GRM5: variants seen among roughly 807,000 people sequenced by gnomAD.
GRM5 encodes the protein glutamate metabotropic receptor 5.
Under a neutral mutation model 83.1 loss-of-function variants are expected in GRM5, and 19 were observed. That is an observed-to-expected ratio of 0.23 (90% CI 0.16 to 0.34). GRM5 has a LOEUF of 0.34. GRM5 is among the 10% of genes least tolerant of loss of function. GRM5 has a pLI of 1.00. For missense variants in GRM5, 1,160 were observed against 1,588.3 expected (o/e 0.73, Z 4.58); for synonymous variants, 675 against 633.6 (o/e 1.07, Z -0.98).
At chr11:88,639,221 G>C (rs555783122) in intron 4 of GRM5, among the ~76,000 whole-genome samples, 7 of 152,104 alleles carry the variant, frequency 4.6e-5, no homozygotes, top group Admixed American at 4.6e-4. Flanking sequence ...CGGGTCATGC[G>C]TGTTTGATGA....
chr11:88,968,748 A>C (rs1379151821), intron 2 of GRM5, among the ~76,000 whole-genome samples: 1 of 152,130 alleles, frequency 6.6e-6, no homozygotes, highest in African/African-American at 2.4e-5. Context: ...ATTAGACAGT[A>C]TAAGTAATTT....
chr11:88,532,563 T>G (rs1942038086), intron 8 of GRM5, among the ~76,000 whole-genome samples: 1 of 152,114 alleles, frequency 6.6e-6, no homozygotes, highest in Non-Finnish European at 1.5e-5. Flanking sequence ...ACCATGTGAA[T>G]AAACCCTAAA....
intron 4 of GRM5, among the ~76,000 whole-genome samples, chr11:88,630,843 G>T (rs1388974996): frequency 6.6e-6 from 1 of 152,110 alleles, no homozygotes; most frequent in East Asian, 1.9e-4. Flanking sequence ...CTCCCAAAGT[G>T]CTGGGATTAC....
At chr11:88,705,775 C>T (rs532679543) in intron 3 of GRM5, among the ~76,000 whole-genome samples, 1 of 151,998 alleles carries the variant, frequency 6.6e-6, no homozygotes, top group South Asian at 2.1e-4. Context: ...GTTTCTCTCC[C>T]CTTCAATAAT....
At chr11:88,814,607 C>T (rs1362313801) in intron 3 of GRM5, among the ~76,000 whole-genome samples, 1 of 152,078 alleles carries the variant, frequency 6.6e-6, no homozygotes, top group African/African-American at 2.4e-5. Context: ...TCCTACCTAA[C>T]AAATTATAAA....
chr11:89,039,269 T>TAA (rs202190539), intron 2 of GRM5, among the ~76,000 whole-genome samples: 1,537 of 145,202 alleles, frequency 0.011, 17 homozygotes, highest in East Asian at 0.056. Context: ...CGTTTCAAAA[T>TAA]AAAAAAAAAA....
chr11:88,536,855 A>G (rs1942146530), intron 8 of GRM5, among the ~76,000 whole-genome samples: 1 of 152,210 alleles, frequency 6.6e-6, no homozygotes, highest in Non-Finnish European at 1.5e-5. Flanking sequence ...GAAGAGAGAA[A>G]CTATGGTGTA....
intron 4 of GRM5, among the ~76,000 whole-genome samples, chr11:88,648,017 A>C (rs978187930): frequency 6.6e-6 from 1 of 151,474 alleles, no homozygotes; most frequent in African/African-American, 2.4e-5. Context: ...GGTGCTGGAG[A>C]GGATGTGGAG....
In GRM5 at chr11:88,859,093, C is replaced by G. The variant is rs1944521020; in HGVS notation, c.662-8938G>C. Among the ~76,000 whole-genome samples the G allele has an allele frequency of 2.6e-5, 4 of 151,710 alleles. No homozygotes were observed. In the South Asian group the frequency reaches 8.3e-4, roughly 31 times the overall value. ...TTTTTACACTCTTTTTTTTAAAACA[C>G]TCTGTTGAAAACTAAAGTAAGATGT... On this transcript the variant is annotated intron_variant, in intron 2 of 9. Transcript: ENST00000305447.
At chr11:88,607,388 C>G (rs1417406957) in intron 4 of GRM5, among the ~76,000 whole-genome samples, 1 of 152,170 alleles carries the variant, frequency 6.6e-6, no homozygotes, top group Non-Finnish European at 1.5e-5. Flanking sequence ...CTACTTAGCA[C>G]TAATCTACTT....
chr11:88,643,459 C>T (rs1057479465), intron 4 of GRM5, among the ~76,000 whole-genome samples: 61 of 152,292 alleles, frequency 4.0e-4, no homozygotes, highest in Non-Finnish European at 8.5e-4. Flanking sequence ...ACTATATCAG[C>T]CTTTCTGTGC....
intron 4 of GRM5, among the ~76,000 whole-genome samples, chr11:88,623,509 C>T (rs1052008802): frequency 2.0e-5 from 3 of 152,086 alleles, no homozygotes; most frequent in Non-Finnish European, 4.4e-5. Context: ...ATACAAATTG[C>T]TTTTCTAATT....
At chr11:88,940,969 G>A (rs1236826593) in intron 2 of GRM5, among the ~76,000 whole-genome samples, 1 of 151,832 alleles carries the variant, frequency 6.6e-6, no homozygotes, top group African/African-American at 2.4e-5. Context: ...AAGTGCATAC[G>A]CACAGTTTTC....
chr11:88,697,324 G>GT (rs1591447407), intron 3 of GRM5, among the ~76,000 whole-genome samples: 1 of 152,160 alleles, frequency 6.6e-6, no homozygotes, highest in East Asian at 1.9e-4. Flanking sequence ...TGACCCTTGT[G>GT]TTTGGTTCTG....
intron 2 of GRM5, among the ~76,000 whole-genome samples, chr11:88,958,819 G>A (rs958965192): frequency 6.6e-6 from 1 of 152,052 alleles, no homozygotes; most frequent in Admixed American, 6.6e-5. Flanking sequence ...CCTATTACAT[G>A]TTAACGCAAA....
chr11:89,045,816 AT>A (rs2135148556), intron 2 of GRM5, among the ~76,000 whole-genome samples: 1 of 152,216 alleles, frequency 6.6e-6, no homozygotes, highest in African/African-American at 2.4e-5. Context: ...TTTCAAGCAC[AT>A]TTTTACTTTC....
intron 3 of GRM5, among the ~76,000 whole-genome samples, chr11:88,763,833 A>C (rs1209674304): frequency 6.6e-6 from 1 of 151,766 alleles, no homozygotes; most frequent in African/African-American, 2.4e-5. Flanking sequence ...AAATGAGGGC[A>C]TATAGAAAAG....
chr11:88,970,049 C>G (rs941200189), intron 2 of GRM5, among the ~76,000 whole-genome samples: 1 of 152,066 alleles, frequency 6.6e-6, no homozygotes, highest in African/African-American at 2.4e-5. Context: ...TCTTGATTTT[C>G]TTCCGTATCT....
intron 3 of GRM5, among the ~76,000 whole-genome samples, chr11:88,726,828 C>G (rs1479921067): frequency 6.6e-6 from 1 of 152,156 alleles, no homozygotes; most frequent in Non-Finnish European, 1.5e-5. Context: ...CCTTTACAGA[C>G]AAGCAAATGC....
Sources: gnomAD v4.1 joint callset for allele counts (sites outside exome capture counted in the v4.1 genomes callset) on GRCh38, gnomAD v4.1.1 for gene constraint, MANE v1.5 for transcripts, NCBI Gene and HGNC (gene_info 2026-07-23, HGNC 2026-07-21) for gene names.